TSPAN9: variants seen among roughly 807,000 people sequenced by gnomAD.
TSPAN9 encodes tetraspanin-9.
In TSPAN9, 16 loss-of-function variants were observed where a neutral mutation model predicts 31.0. The ratio of observed to expected loss-of-function variants is 0.52; its 90% confidence interval spans 0.35 to 0.78. TSPAN9 has a LOEUF of 0.78. Ranked by LOEUF, TSPAN9 falls within the 30% of genes least tolerant of loss-of-function variation. The probability of loss-of-function intolerance (pLI) is 0.01; values close to 1 mark genes in which losing one functional copy is unlikely to be tolerated. For synonymous variants in TSPAN9, 145 were observed against 121.6 expected (o/e 1.19, Z -1.27); for missense variants, 272 against 312.5 (o/e 0.87, Z 0.98).
intron 2 of TSPAN9, among the ~76,000 whole-genome samples, chr12:3,114,993 T>C (rs1171476963): frequency 6.6e-6 from 1 of 152,222 alleles, no homozygotes; most frequent in East Asian, 1.9e-4. Context: ...TCTCAGCGTG[T>C]GACCATCAGC....
intron 2 of TSPAN9, among the ~76,000 whole-genome samples, chr12:3,142,356 A>T (rs971996399): frequency 2.3e-4 from 35 of 152,036 alleles, no homozygotes; most frequent in African/African-American, 8.5e-4. Context: ...TGGAAACTGA[A>T]TGGGGCTCAC....
rs184788477 is a variant in TSPAN9 at position 3,106,174 on chromosome 12, C to T, written c.-18+22455C>T. On this transcript the variant is annotated intron_variant, in intron 2 of 8. Transcript: ENST00000011898. ...GTTAGTTCGCCTGTGCATATACCCA[C>T]CTATGCCCACAGGGAGGTGTTTGGG... 2.2e-4 allele frequency among the ~76,000 whole-genome samples: 34 copies of T among 152,354 alleles called. No individual in the cohort carries two copies. In the East Asian group the frequency reaches 5.4e-3, roughly 24 times the overall value.
rs2098337615 is a variant in TSPAN9, at chr12:3,147,093, C to T, written c.-17-54084C>T. Among the ~76,000 whole-genome samples, 1 of 151,330 alleles carries T rather than the reference C, an allele frequency of 6.6e-6. No homozygotes were observed. Among genetic ancestry groups the T allele is most frequent in the Non-Finnish European group, 1.5e-5 (1 of 67,686 alleles). On this transcript the variant is annotated intron_variant, in intron 2 of 8. Transcript: ENST00000011898. The surrounding 1 kb of genome is among the most constrained non-coding windows in gnomAD (Gnocchi z 4.3). ...GGTGTTTGATTAAAACTAGCATTCT[C>T]TCCCCTTTTCTCCTTACTTCCTTTC...
chr12:3,280,340 G>C lies in TSPAN9; in HGVS notation c.331-42G>C, dbSNP rs375588314. 34 of 1,584,258 alleles carry C rather than the reference G, an allele frequency of 2.1e-5. No homozygotes were observed. The highest frequency in any genetic ancestry group is 1.8e-4 in the Admixed American group (11 of 59,916). On this transcript the variant is annotated intron_variant, in intron 5 of 8. Transcript: ENST00000011898. The surrounding 1 kb of genome is among the most constrained non-coding windows in gnomAD (Gnocchi z 4.5). ...GAGGTGGGCTGGAGAGACGAGCTGC[G>C]TCCTGGTTCCAACCGTCTCACTGTG...
At chr12:3,282,426 C>G (rs781620368) in intron 8 of TSPAN9, among the ~76,000 whole-genome samples, 1 of 152,180 alleles carries the variant, frequency 6.6e-6, no homozygotes, top group Non-Finnish European at 1.5e-5. Context: ...CAGGGTCTCA[C>G]TTTGTTGCTC....
rs190331186 is a variant in TSPAN9 at position 3,281,287 on chromosome 12, C to G, written c.522C>G (p.Ser174=). 1.1e-4 allele frequency: 176 copies of G among 1,551,208 alleles called. 2 individuals are homozygous for G. In the Admixed American group the frequency reaches 3.4e-3, roughly 30 times the overall value. ...CCGACCGCTGCTGCATGGAGAACTCCCAGGGCTGCGGGCGCAACGCCACCA... is the reference window on the plus strand; with the variant it reads ...CCGACCGCTGCTGCATGGAGAACTCGCAGGGCTGCGGGCGCAACGCCACCA... The part of the protein sequence containing the change: ...TVPDRCCMEN[S]QGCGRNATTP... Residue 174 remains serine, a synonymous_variant, in exon 7 of 9, where the codon TCC becomes TCG. Transcript: ENST00000011898.
chr12:3,263,527 G>A (rs770379043), intron 3 of TSPAN9, among the ~76,000 whole-genome samples: 12 of 152,200 alleles, frequency 7.9e-5, no homozygotes, highest in Non-Finnish European at 1.8e-4. Flanking sequence ...GCAACGCACC[G>A]GCCTGGGGAG....
rs577549062 is a variant in TSPAN9 at position 3,097,227 on chromosome 12, C to T, written c.-18+13508C>T. ...TCTCTCCCCCTCCCATGCCTGCTTC[C>T]GTCTTCGTCAGCTCGACCCAGGGTC... On this transcript the variant is annotated intron_variant, in intron 2 of 8. Coordinates refer to ENST00000011898, the MANE Select transcript of TSPAN9 (RefSeq NM_006675.5). Among the ~76,000 whole-genome samples the T allele has an allele frequency of 9.2e-5, 14 of 152,300 alleles. No homozygotes were observed. In the East Asian group the frequency reaches 2.5e-3, roughly 27 times the overall value.
chr12:3,267,540 G>A (rs1451567758), intron 3 of TSPAN9, among the ~76,000 whole-genome samples: 1 of 152,230 alleles, frequency 6.6e-6, no homozygotes, highest in Non-Finnish European at 1.5e-5. Context: ...ATCCTTGAAG[G>A]TTGGTTTCTT....
rs556941048 is a variant in TSPAN9, at chr12:3,141,419, C to T, written c.-18+57700C>T. On this transcript the variant is annotated intron_variant, in intron 2 of 8. Coordinates refer to ENST00000011898, the MANE Select transcript of TSPAN9 (RefSeq NM_006675.5). ...CTATCCGGCCGGCCTCTGCAGCGCA[C>T]GGTGATGCCCTGGTCTCTGCCAGCT... Among the ~76,000 whole-genome samples the T allele has an allele frequency of 1.7e-4, 26 of 152,258 alleles. No homozygotes were observed. In the East Asian group the frequency reaches 2.7e-3, roughly 16 times the overall value.
At chr12:3,231,740 G>C (rs1251878378) in intron 3 of TSPAN9, among the ~76,000 whole-genome samples, 3 of 152,242 alleles carry the variant, frequency 2.0e-5, no homozygotes, top group African/African-American at 7.2e-5. Context: ...CTCCCGGCTC[G>C]GGTTACTTGT....
At position 3,168,094 on chromosome 12, in the gene TSPAN9, C is replaced by T. The variant is rs1248682805; in HGVS notation, c.-17-33083C>T. 6.6e-6 allele frequency among the ~76,000 whole-genome samples: 1 copy of T among 152,168 alleles called. No homozygotes were observed. Among genetic ancestry groups the T allele is most frequent in the Non-Finnish European group, 1.5e-5 (1 of 68,026 alleles). ...GAGATACCCTCCCATGTCACTCATT[C>T]TGTGCCACAGAAGCCCAGGCCGGGG... On this transcript the variant is annotated intron_variant, in intron 2 of 8. Transcript: ENST00000011898. This position sits in a 1 kb window ranked among gnomAD's most constrained non-coding sequence, Gnocchi z 4.0.
intron 3 of TSPAN9, among the ~76,000 whole-genome samples, chr12:3,271,094 T>A (rs1366902611): frequency 6.6e-6 from 1 of 152,242 alleles, no homozygotes; most frequent in Non-Finnish European, 1.5e-5. Flanking sequence ...CTTTATGTAA[T>A]GTTTATTTGG....
intron 3 of TSPAN9, among the ~76,000 whole-genome samples, chr12:3,266,887 T>A (rs1410373085): frequency 6.6e-6 from 1 of 151,822 alleles, no homozygotes; most frequent in Non-Finnish European, 1.5e-5. Context: ...AGCTAGAGAG[T>A]GTGTGGGTGG....
intron 2 of TSPAN9, among the ~76,000 whole-genome samples, chr12:3,152,373 T>C (rs962089875): frequency 6.6e-5 from 10 of 152,214 alleles, no homozygotes. Context: ...CACCGGCCCC[T>C]CTTTTTGGAA....
At chr12:3,134,002 A>G (rs1248816477) in intron 2 of TSPAN9, among the ~76,000 whole-genome samples, 1 of 152,120 alleles carries the variant, frequency 6.6e-6, no homozygotes, top group African/African-American at 2.4e-5. Flanking sequence ...GGCTGTTGTG[A>G]GGGACTGATT....
At chr12:3,109,789 ACT>A (rs1166140067) in intron 2 of TSPAN9, among the ~76,000 whole-genome samples, 1 of 120,844 alleles carries the variant, frequency 8.3e-6, no homozygotes, top group East Asian at 2.2e-4. Context: ...CAAGAGCAAA[ACT>A]CTGTCTCAAA....
At chr12:3,183,629 A>T (rs1484524270) in intron 2 of TSPAN9, among the ~76,000 whole-genome samples, 1 of 152,228 alleles carries the variant, frequency 6.6e-6, no homozygotes. Context: ...GGTTATCAAC[A>T]TTCTGCCTCC....
intron 2 of TSPAN9, among the ~76,000 whole-genome samples, chr12:3,109,295 T>A (rs1383609504): frequency 4.3e-4 from 49 of 115,036 alleles, no homozygotes; most frequent in African/African-American, 1.9e-3. Flanking sequence ...TGTGTGTGTG[T>A]GTGTGAGAGA....
Sources: allele counts gnomAD v4.1 joint callset (sites outside exome capture counted in the v4.1 genomes callset), GRCh38; gene constraint gnomAD v4.1.1; non-coding constraint Gnocchi (gnomAD v3.1); transcripts MANE v1.5; gene names NCBI Gene and HGNC (gene_info 2026-07-23, HGNC 2026-07-21).